GNL3L: variants seen among roughly 807,000 people sequenced by gnomAD.
GNL3L encodes G protein nucleolar 3 like.
A neutral mutation model predicts 42.9 loss-of-function variants in GNL3L; 4 were observed. The observed-to-expected ratio is 0.09, with a 90% confidence interval of 0.05 to 0.21. The LOEUF (loss-of-function observed/expected upper bound fraction) is 0.21. Ranked by LOEUF, GNL3L falls within the 10% of genes least tolerant of loss-of-function variation. GNL3L has a pLI of 1.00. For missense variants in GNL3L, 412 were observed against 481.7 expected, an observed-to-expected ratio of 0.86 and a Z score of 1.36; for synonymous variants, 159 against 176.3, an observed-to-expected ratio of 0.90 and a Z score of 0.78.
At chrX:54,589,775 T>TA (rs886294872) in intron 16 of GNL3L, among the ~76,000 whole-genome samples, 2 of 111,350 alleles carry the variant, frequency 1.8e-5, no homozygotes, top group African/African-American at 6.5e-5. Context: ...TGCTGGATCA[T>TA]ATGTTGGCTC....
At chrX:54,636,487 A>G in the GNL3L span, among the ~76,000 whole-genome samples, 18 of 111,398 alleles carry the variant, frequency 1.6e-4, no homozygotes, top group Non-Finnish European at 2.4e-4. Flanking sequence ...GGTAGTGAGC[A>G]TAGTATACAA....
chrX:54,569,695 A>G (rs1350141540), downstream of GNL3L, among the ~76,000 whole-genome samples: 2 of 111,939 alleles, frequency 1.8e-5, no homozygotes, highest in East Asian at 5.6e-4. Context: ...TGTATTGATC[A>G]TCTCAAAGAA....
chrX:54,556,281 CCTT>C (rs1023126584), intron 14 of GNL3L, among the ~76,000 whole-genome samples: 2 of 110,730 alleles, frequency 1.8e-5, no homozygotes, highest in African/African-American at 3.3e-5. Flanking sequence ...GAAGCAGGCA[CCTT>C]CTTCACAAGG....
intron 15 of GNL3L, among the ~76,000 whole-genome samples, chrX:54,559,487 C>T (rs986821338): frequency 7.2e-5 from 8 of 111,639 alleles, no homozygotes; most frequent in African/African-American, 2.6e-4. Flanking sequence ...TCTCTTTTTC[C>T]ACACAAATGC....
intron 9 of GNL3L, among the ~76,000 whole-genome samples, chrX:54,550,541 G>T (rs1431748377): frequency 1.8e-5 from 2 of 111,229 alleles, no homozygotes; most frequent in Non-Finnish European, 3.8e-5. Flanking sequence ...ACACACCTCA[G>T]GTAGACAGCT....
intron 9 of GNL3L, among the ~76,000 whole-genome samples, chrX:54,549,567 C>T (rs1174790337): frequency 2.7e-5 from 3 of 112,169 alleles, no homozygotes; most frequent in Non-Finnish European, 5.6e-5. Flanking sequence ...TGTGTGGTGG[C>T]GGGCATTTGT....
At position 54,566,003 on chromosome X, in the gene GNL3L, C is replaced by T. The variant is rs9306570; in HGVS notation, c.*5401C>T. Among the ~76,000 whole-genome samples the T allele has an allele frequency of 0.15, 15,915 of 107,827 alleles. 1,975 individuals carry two copies. The highest frequency in any genetic ancestry group is 0.4 in the African/African-American group (11,724 of 29,293). The allele number at this position is 107,827 out of a possible 115,157, so 93.6% of individuals were successfully genotyped here. ...GCTTGGCTAACTTTTATATTTTTAC[C>T]AGAGACAAGGTTTCACCATGTTGGC... is the stretch of plus-strand genomic sequence containing the variant. On this transcript the variant is annotated 3_prime_UTR_variant, in exon 16 of 16. Transcript: ENST00000360845.
At chrX:54,589,484 A>T (rs774745219) in intron 16 of GNL3L, among the ~76,000 whole-genome samples, 12 of 111,590 alleles carry the variant, frequency 1.1e-4, no homozygotes, top group Non-Finnish European at 2.3e-4. Flanking sequence ...AAGTGAGAAC[A>T]TGTGATGTTT....
intron 8 of GNL3L, among the ~76,000 whole-genome samples, chrX:54,546,655 A>G (rs1924781265): frequency 9.0e-6 from 1 of 111,321 alleles, no homozygotes; most frequent in African/African-American, 3.3e-5. Flanking sequence ...TTAAATTTAA[A>G]TTTTTGTTGA....
chrX:54,536,802 G>A (rs868553727), intron 2 of GNL3L, among the ~76,000 whole-genome samples: 2 of 84,406 alleles, frequency 2.4e-5, no homozygotes, highest in African/African-American at 4.6e-5. Context: ...AAAAAAAACA[G>A]AGAGAGAGAG....
At chrX:54,579,966 C>T (rs1263593622) in intron 16 of GNL3L, among the ~76,000 whole-genome samples, 1 of 100,039 alleles carries the variant, frequency 1.0e-5, no homozygotes, top group Non-Finnish European at 2.0e-5. Flanking sequence ...GCATGAGCCA[C>T]TGTGCCTGGC....
chrX:54,572,920 A>G (rs1273143679), intron 16 of GNL3L, among the ~76,000 whole-genome samples: 3 of 104,920 alleles, frequency 2.9e-5, no homozygotes, highest in Non-Finnish European at 5.9e-5. Context: ...GCGGCGGGGC[A>G]GAGGCGCTCC....
chrX:54,568,367 T>A (rs1273683347), downstream of GNL3L, among the ~76,000 whole-genome samples: 3 of 111,334 alleles, frequency 2.7e-5, no homozygotes. Context: ...ATCTATCATC[T>A]TACACTTCTA....
chrX:54,532,294 C>G (rs1162314677), intron 1 of GNL3L, among the ~76,000 whole-genome samples: 1 of 109,828 alleles, frequency 9.1e-6, no homozygotes. Flanking sequence ...CTGACTCCAC[C>G]CCGGATGAGG....
chrX:54,541,215 C>T, intron 4 of GNL3L, 58 bp from the exon 5 acceptor site: 2 of 792,061 alleles, frequency 2.5e-6, no homozygotes, highest in South Asian at 2.2e-5. Context: ...TGTCACCCAT[C>T]CCTCCCTTAG....
At chrX:54,631,677 C>G in the GNL3L span, among the ~76,000 whole-genome samples, 1 of 111,628 alleles carries the variant, frequency 9.0e-6, no homozygotes, top group Non-Finnish European at 1.9e-5. Context: ...AGGTGAGTCT[C>G]TTGAAGACAG....
chrX:54,570,914 C>G (rs769337015), downstream of GNL3L, among the ~76,000 whole-genome samples: 197 of 111,082 alleles, frequency 1.8e-3, no homozygotes, highest in Non-Finnish European at 3.2e-3. Flanking sequence ...ACATAGTTAC[C>G]ATTTCTGGTA....
the GNL3L span, among the ~76,000 whole-genome samples, chrX:54,638,006 TTAAAGA>T: frequency 8.9e-6 from 1 of 112,035 alleles, no homozygotes; most frequent in African/African-American, 3.2e-5. Flanking sequence ...AATTTTCATA[TTAAAGA>T]TAAATTAAAA....
At chrX:54,608,504 C>G (rs1926126130) in intron 16 of GNL3L, among the ~76,000 whole-genome samples, 1 of 106,730 alleles carries the variant, frequency 9.4e-6, no homozygotes, top group Non-Finnish European at 1.9e-5. Flanking sequence ...CCCTTGCCCC[C>G]CTCCTACTCT....
Sources: gnomAD v4.1 joint callset for allele counts (sites outside exome capture counted in the v4.1 genomes callset) on GRCh38, gnomAD v4.1.1 for gene constraint, MANE v1.5 for transcripts, NCBI Gene and HGNC (gene_info 2026-07-23, HGNC 2026-07-21) for gene names.